The following SP4 variants were observed in gnomAD, a reference collection of about 807,000 sequenced individuals.
The protein encoded by SP4 is Sp4 transcription factor.
A neutral mutation model predicts 72.8 loss-of-function variants in SP4; 19 were observed. That is an observed-to-expected ratio of 0.26 (90% CI 0.18 to 0.38). The LOEUF (loss-of-function observed/expected upper bound fraction) is 0.38, where lower values mean the gene tolerates loss of function less well. SP4 is among the 10% of genes least tolerant of loss of function. The probability of loss-of-function intolerance (pLI) is 1.00; values close to 1 mark genes in which losing one functional copy is unlikely to be tolerated. For synonymous variants in SP4, 395 were observed against 333.1 expected (o/e 1.19, Z -2.02); for missense variants, 1,008 against 926.3 (o/e 1.09, Z -1.14).
At chr7:21,465,931 C>A (rs987813705) in intron 3 of SP4, among the ~76,000 whole-genome samples, 1 of 152,134 alleles carries the variant, frequency 6.6e-6, no homozygotes, top group East Asian at 1.9e-4. Flanking sequence ...AGCCCCCTCA[C>A]CTCCTTGAAC....
chr7:21,445,057 G>A (rs946341028), intron 3 of SP4, among the ~76,000 whole-genome samples: 2 of 152,150 alleles, frequency 1.3e-5, no homozygotes, highest in African/African-American at 2.4e-5. Context: ...TTTGAGGCTA[G>A]TAATAACATC....
intron 3 of SP4, among the ~76,000 whole-genome samples, chr7:21,465,062 G>C (rs545575614): frequency 3.3e-5 from 5 of 152,284 alleles, no homozygotes; most frequent in African/African-American, 1.2e-4. Flanking sequence ...TATCTTTCTA[G>C]GGTTTTCCGG....
intron 3 of SP4, among the ~76,000 whole-genome samples, chr7:21,446,615 A>G (rs1783435395): frequency 6.6e-6 from 1 of 152,090 alleles, no homozygotes; most frequent in African/African-American, 2.4e-5. Context: ...TAGTGTTAGG[A>G]TTCTATAGGT....
At chr7:21,475,484 TTGAGACAGAGTCTCGCTC>T (rs1784473591) in intron 3 of SP4, among the ~76,000 whole-genome samples, 1 of 151,934 alleles carries the variant, frequency 6.6e-6, no homozygotes, top group Non-Finnish European at 1.5e-5. Flanking sequence ...TATTGTTATT[TTGAGACAGAGTCTCGCTC>T]TGTCGCCCAG....
At chr7:21,470,899 T>TA (rs1784321003) in intron 3 of SP4, among the ~76,000 whole-genome samples, 1 of 152,178 alleles carries the variant, frequency 6.6e-6, no homozygotes, top group Admixed American at 6.5e-5. Context: ...AATGTGTAGT[T>TA]ACAATACCAA....
intron 5 of SP4, among the ~76,000 whole-genome samples, chr7:21,485,057 A>T (rs915726863): frequency 2.0e-5 from 3 of 151,942 alleles, no homozygotes; most frequent in African/African-American, 7.2e-5. Context: ...ACACTAAAAA[A>T]TATTAATATC....
At chr7:21,502,637 C>T (rs1781900290) in intron 5 of SP4, among the ~76,000 whole-genome samples, 1 of 152,182 alleles carries the variant, frequency 6.6e-6, no homozygotes, top group Non-Finnish European at 1.5e-5. Context: ...ATGTGACCCA[C>T]TCAACCCAGG....
intron 5 of SP4, among the ~76,000 whole-genome samples, chr7:21,487,801 A>G (rs1784862337): frequency 6.7e-6 from 1 of 148,836 alleles, no homozygotes; most frequent in African/African-American, 2.5e-5. Context: ...GGTGGTGGTC[A>G]TGGTGGTGAT....
At chr7:21,488,131 T>A (rs1784871446) in intron 5 of SP4, among the ~76,000 whole-genome samples, 1 of 152,192 alleles carries the variant, frequency 6.6e-6, no homozygotes, top group Non-Finnish European at 1.5e-5. Flanking sequence ...TCCTGGAGTG[T>A]TGGGATTATA....
At chr7:21,454,203 C>T (rs1179579087) in intron 3 of SP4, among the ~76,000 whole-genome samples, 1 of 152,168 alleles carries the variant, frequency 6.6e-6, no homozygotes, top group African/African-American at 2.4e-5. Context: ...AGCTAGGGGG[C>T]ATGGCTAACT....
chr7:21,428,902 C>A, intron 2 of SP4, 110 bp downstream of exon 2: 1 of 864,466 alleles, frequency 1.2e-6, no homozygotes, highest in Non-Finnish European at 1.8e-6. Flanking sequence ...CCACTCAAAG[C>A]ATCTTTCTGA....
chr7:21,458,879 G>A (rs1246952679), intron 3 of SP4, among the ~76,000 whole-genome samples: 1 of 151,782 alleles, frequency 6.6e-6, no homozygotes, highest in East Asian at 1.9e-4. Context: ...TGCTCAATTT[G>A]CTGTTTAGAG....
At chr7:21,504,166 G>A (rs772568518) in intron 5 of SP4, among the ~76,000 whole-genome samples, 1 of 152,130 alleles carries the variant, frequency 6.6e-6, no homozygotes. Flanking sequence ...AGCTTCTATA[G>A]TGTTCCCTTT....
Position 21,469,440 on chromosome 7 carries a change from T to G in SP4, c.1679-7639T>G, listed in dbSNP as rs571278101. The stretch of plus-strand genomic sequence containing the variant: ...CTTAAAATCAGAAGAAAAAGAAACT[T>G]AAAGTGTATGTGTTTGTAATACTAA... On this transcript the variant is annotated intron_variant, in intron 3 of 5. Transcript: ENST00000222584. Among the ~76,000 whole-genome samples, 20 of 152,216 alleles carry G rather than the reference T, an allele frequency of 1.3e-4. No individual in the cohort carries two copies. In the South Asian group the frequency reaches 4.1e-3, roughly 32 times the overall value.
At chr7:21,456,605 G>A (rs1783771549) in intron 3 of SP4, among the ~76,000 whole-genome samples, 1 of 152,216 alleles carries the variant, frequency 6.6e-6, no homozygotes, top group Non-Finnish European at 1.5e-5. Flanking sequence ...AGGCAGATGT[G>A]CCCCTGAGGC....
intron 4 of SP4, among the ~76,000 whole-genome samples, chr7:21,479,791 T>C (rs551652817): frequency 6.6e-6 from 1 of 152,368 alleles, no homozygotes; most frequent in South Asian, 2.1e-4. Flanking sequence ...GTTTAATCTT[T>C]AACTTCTTTC....
At chr7:21,448,204 G>A (rs963713683) in intron 3 of SP4, among the ~76,000 whole-genome samples, 6 of 152,142 alleles carry the variant, frequency 3.9e-5, no homozygotes, top group Non-Finnish European at 8.8e-5. Context: ...TAAAAGAGCT[G>A]TTTTGGAAGT....
chr7:21,487,238 T>G lies in SP4; in HGVS notation c.2107+5115T>G, dbSNP rs537695257. Among the ~76,000 whole-genome samples, 5 of 152,266 alleles carry G rather than the reference T, an allele frequency of 3.3e-5. 1 individual carries two copies. The South Asian group carries it at 1.0e-3, about 32-fold the overall frequency. On this transcript the variant is annotated intron_variant, in intron 5 of 5. Coordinates refer to ENST00000222584, the MANE Select transcript of SP4 (RefSeq NM_003112.5). ...TTTTGTTTTTAACGCTAAGGGCGCC[T>G]TTTAATCTGTGGTGTGCTGCTAATT...
chr7:21,445,685 G>A (rs2128396339), intron 3 of SP4, among the ~76,000 whole-genome samples: 1 of 152,188 alleles, frequency 6.6e-6, no homozygotes, highest in East Asian at 1.9e-4. Context: ...TTTGCCTAAG[G>A]TTACAGAATT....
Sources: allele counts gnomAD v4.1 joint callset (sites outside exome capture counted in the v4.1 genomes callset), GRCh38; gene constraint gnomAD v4.1.1; transcripts MANE v1.5; gene names NCBI Gene and HGNC (gene_info 2026-07-23, HGNC 2026-07-21).